The following IGSF21 variants were observed in gnomAD, a reference collection of about 807,000 sequenced individuals.
The protein encoded by IGSF21 is immunoglobin superfamily member 21.
Under a neutral mutation model 46.8 loss-of-function variants are expected in IGSF21, and 28 were observed. The ratio of observed to expected loss-of-function variants is 0.60; its 90% CI spans 0.44 to 0.82. The LOEUF (loss-of-function observed/expected upper bound fraction) is 0.82, where lower values mean the gene tolerates loss of function less well. Ranked by LOEUF, IGSF21 falls within the 40% of genes least tolerant of loss-of-function variation. The pLI is 0.00. For missense variants in IGSF21, 624 were observed against 665.5 expected, an observed-to-expected ratio of 0.94 and a Z score of 0.69; for synonymous variants, 284 against 273.6, an observed-to-expected ratio of 1.04 and a Z score of -0.38.
intron 2 of IGSF21, among the ~76,000 whole-genome samples, chr1:18,248,180 G>C (rs1013072229): frequency 1.3e-5 from 2 of 152,218 alleles, no homozygotes; most frequent in Non-Finnish European, 2.9e-5. Context: ...CCTAAGCTGA[G>C]CTTCTGCCTC....
intron 1 of IGSF21, among the ~76,000 whole-genome samples, chr1:18,208,407 G>A (rs1420891072): frequency 8.1e-5 from 3 of 36,936 alleles, no homozygotes; most frequent in Non-Finnish European, 1.6e-4. Context: ...TTTTTGAGAC[G>A]GAGTCTTGCT....
At position 18,365,669 on chromosome 1, in the gene IGSF21, G is replaced by A. The variant is rs1480003439; in HGVS notation, c.987G>A (p.Ser329=). 24 of 1,613,596 alleles carry A rather than the reference G, an allele frequency of 1.5e-5. No homozygotes were observed. Among genetic ancestry groups the A allele is most frequent in the African/African-American group, 6.7e-5 (5 of 74,918 alleles). ...FSCEVKHPAL[S]MPMQAEVTLV... ...GCGAGGTCAAGCACCCAGCTCTGTC[G>A]ATGCCCATGCAGGCAGAGGTCACGC... Residue 329 remains serine (S), a synonymous_variant, in exon 6 of 10, where the codon TCG becomes TCA. Coordinates refer to ENST00000251296, the MANE Select transcript of IGSF21 (RefSeq NM_032880.5). This position sits in a 1 kb window ranked among gnomAD's most constrained non-coding sequence, Gnocchi z 4.8.
rs75486839 is a variant in IGSF21 at position 18,328,303 on chromosome 1, G to A, written c.306-6589G>A. On this transcript the variant is annotated intron_variant, in intron 3 of 9. Transcript: ENST00000251296. ...AAAACACTTTCATTAGCCTACACTC[G>A]GGCAAAATAATCCAACACAAAGCCC... Among the ~76,000 whole-genome samples the A allele has an allele frequency of 2.4e-3, 369 of 152,218 alleles. 1 individual carries two copies. The highest frequency in any genetic ancestry group is 4.5e-3 in the Non-Finnish European group (303 of 68,022).
chr1:18,154,651 C>T (rs1172486403), intron 1 of IGSF21, among the ~76,000 whole-genome samples: 1 of 134,328 alleles, frequency 7.4e-6, no homozygotes, highest in African/African-American at 2.8e-5. Context: ...GGTTAGAACT[C>T]ACTTGAAGGA....
chr1:18,155,280 C>G (rs1409272906), intron 1 of IGSF21, among the ~76,000 whole-genome samples: 1 of 152,170 alleles, frequency 6.6e-6, no homozygotes, highest in Non-Finnish European at 1.5e-5. Flanking sequence ...GAGAGCCTCG[C>G]CCCTGCATGG....
At chr1:18,188,584 G>A (rs2086926255) in intron 1 of IGSF21, among the ~76,000 whole-genome samples, 1 of 152,170 alleles carries the variant, frequency 6.6e-6, no homozygotes, top group African/African-American at 2.4e-5. Context: ...GTCAGCGTGA[G>A]GGAAGGGATG....
chr1:18,248,901 AC>A lies in IGSF21; in HGVS notation c.183+20898del, dbSNP rs915899607. 7.3e-5 allele frequency among the ~76,000 whole-genome samples: 11 copies of A among 151,574 alleles called. No homozygotes were observed. In the South Asian group the frequency reaches 1.3e-3, roughly 17 times the overall value. On this transcript the variant is annotated intron_variant, in intron 2 of 9. Coordinates refer to ENST00000251296, the MANE Select transcript of IGSF21 (RefSeq NM_032880.5). The stretch of plus-strand genomic sequence containing the variant: ...AGTGATGGAGGGGTACATAGCATGG[AC>A]CCCCCCAAGCCAGACTCGAGTGGTC...
At chr1:18,151,778 T>C (rs2086524276) in intron 1 of IGSF21, among the ~76,000 whole-genome samples, 1 of 152,142 alleles carries the variant, frequency 6.6e-6, no homozygotes, top group South Asian at 2.1e-4. Flanking sequence ...TGGATATTGG[T>C]GAAAACTGAC....
At chr1:18,270,887 A>C (rs140161246) in intron 2 of IGSF21, among the ~76,000 whole-genome samples, 9 of 152,330 alleles carry the variant, frequency 5.9e-5, no homozygotes, top group Non-Finnish European at 1.2e-4. Flanking sequence ...GCATTTCTGC[A>C]AATTACACAT....
intron 1 of IGSF21, among the ~76,000 whole-genome samples, chr1:18,169,905 C>CG (rs147649387): frequency 0.017 from 2,548 of 151,722 alleles, 67 homozygotes; most frequent in African/African-American, 0.058. Flanking sequence ...GGTTTTTTGG[C>CG]GGGGGAGGGG....
chr1:18,170,745 T>G (rs2086728753), intron 1 of IGSF21, among the ~76,000 whole-genome samples: 1 of 151,992 alleles, frequency 6.6e-6, no homozygotes, highest in Non-Finnish European at 1.5e-5. Context: ...CTATCCCGGT[T>G]CTGATGAAGG....
At chr1:18,336,658 T>C (rs1021924805) in intron 4 of IGSF21, among the ~76,000 whole-genome samples, 4 of 152,196 alleles carry the variant, frequency 2.6e-5, no homozygotes, top group African/African-American at 7.2e-5. Flanking sequence ...CATCCCTCCA[T>C]GAGGCCCACA....
intron 2 of IGSF21, among the ~76,000 whole-genome samples, chr1:18,273,527 C>CTTTCTTTCTTCTTTT (rs2085072012): frequency 1.4e-5 from 1 of 72,556 alleles, no homozygotes; most frequent in Non-Finnish European, 2.8e-5. Context: ...TTTCGTCTTT[C>CTTTCTTTCTTCTTTT]TTTACTTTTT....
chr1:18,365,265 CT>C lies in IGSF21; in HGVS notation c.584del (p.Leu195HisfsTer56). On this transcript the variant is annotated frameshift_variant, in exon 6 of 10. Coordinates refer to ENST00000251296, the MANE Select transcript of IGSF21 (RefSeq NM_032880.5). LOFTEE classifies it high-confidence loss of function. This position sits in a 1 kb window ranked among gnomAD's most constrained non-coding sequence, Gnocchi z 4.8. ...TGGGGAACCAATCGACGCAGTGCCC[CT>C]ATCAGAGCCACCAGCTGCGAGCTCC... ...RDGEPIDAVP[L>X]SEPPAASSGP... 6.2e-7 allele frequency: 1 copy of C among 1,613,390 alleles called. No homozygotes were observed. Among genetic ancestry groups the C allele is most frequent in the Non-Finnish European group, 8.5e-7 (1 of 1,179,542 alleles).
chr1:18,184,531 G>A (rs898928067), intron 1 of IGSF21, among the ~76,000 whole-genome samples: 3 of 152,116 alleles, frequency 2.0e-5, no homozygotes, highest in East Asian at 1.9e-4. Flanking sequence ...GACTCCCACC[G>A]CACACGGGCT....
intron 2 of IGSF21, among the ~76,000 whole-genome samples, chr1:18,256,772 A>G (rs886907365): frequency 6.6e-6 from 1 of 152,102 alleles, no homozygotes; most frequent in Non-Finnish European, 1.5e-5. Flanking sequence ...AGGGGAGGAG[A>G]CATCCCAGCC....
At chr1:18,356,820 G>A (rs929312193) in intron 4 of IGSF21, among the ~76,000 whole-genome samples, 3 of 152,104 alleles carry the variant, frequency 2.0e-5, no homozygotes, top group Admixed American at 6.5e-5. Flanking sequence ...TGTGGGGACA[G>A]GAATAGAAGT....
At chr1:18,285,194 T>C (rs998419970) in intron 2 of IGSF21, among the ~76,000 whole-genome samples, 2 of 151,982 alleles carry the variant, frequency 1.3e-5, no homozygotes, top group African/African-American at 4.8e-5. Context: ...CTTTTCTTTT[T>C]TTTTTTTTTC....
At chr1:18,338,896 TA>T (rs2085799726) in intron 4 of IGSF21, among the ~76,000 whole-genome samples, 1 of 149,330 alleles carries the variant, frequency 6.7e-6, no homozygotes, top group Non-Finnish European at 1.5e-5. Context: ...GGGTGCAGGT[TA>T]GGGGGGAGGG....
Sources: allele counts gnomAD v4.1 joint callset (sites outside exome capture counted in the v4.1 genomes callset), GRCh38; gene constraint gnomAD v4.1.1; non-coding constraint Gnocchi (gnomAD v3.1); transcripts MANE v1.5; gene names NCBI Gene and HGNC (gene_info 2026-07-23, HGNC 2026-07-21).